USP48: variants seen among roughly 807,000 people sequenced by gnomAD.
USP48 encodes ubiquitin carboxyl-terminal hydrolase 48.
USP48 carries 43 observed loss-of-function variants against 150.7 expected under a neutral mutation model. That is an observed-to-expected ratio of 0.29 (90% CI 0.22 to 0.37). The LOEUF (loss-of-function observed/expected upper bound fraction) is 0.37. Among genes scored for constraint, USP48 ranks in the 10% least tolerant of loss-of-function variants. The probability of loss-of-function intolerance (pLI) is 1.00; values close to 1 mark genes in which losing one functional copy is unlikely to be tolerated. For missense variants in USP48, 813 were observed against 1,249.6 expected (o/e 0.65, Z 5.27); for synonymous variants, 396 against 425.9 (o/e 0.93, Z 0.86).
intron 8 of USP48, among the ~76,000 whole-genome samples, chr1:21,744,149 AT>A (rs2097788485): frequency 6.6e-6 from 1 of 152,146 alleles, no homozygotes; most frequent in African/African-American, 2.4e-5. Context: ...GAACTAATCA[AT>A]TTTAAAATTA....
chr1:21,680,657 C>G, intron 26 of USP48, 151 bp downstream of exon 26: 1 of 745,986 alleles, frequency 1.3e-6, no homozygotes. Flanking sequence ...AATGAAGAAG[C>G]TTGAGTAAGA....
chr1:21,712,378 T>C (rs1425916806), intron 15 of USP48, among the ~76,000 whole-genome samples: 2 of 151,738 alleles, frequency 1.3e-5, no homozygotes, highest in Non-Finnish European at 2.9e-5. Context: ...CAAAACAAAA[T>C]AGATAAAATG....
chr1:21,717,354 C>T (rs1277938125), intron 14 of USP48, among the ~76,000 whole-genome samples: 2 of 151,860 alleles, frequency 1.3e-5, no homozygotes, highest in Non-Finnish European at 2.9e-5. Context: ...CATTGAGTTG[C>T]AATTGCGTCA....
intron 1 of USP48, among the ~76,000 whole-genome samples, chr1:21,773,717 C>T (rs1200334687): frequency 1.3e-5 from 2 of 152,148 alleles, no homozygotes; most frequent in East Asian, 1.9e-4. Flanking sequence ...AATTTCTCAT[C>T]TAGCAACCTA....
chr1:21,701,387 A>G (rs929542779), intron 22 of USP48, 111 bp downstream of exon 22: 32 of 827,282 alleles, frequency 3.9e-5, no homozygotes, highest in Middle Eastern at 2.4e-4. Flanking sequence ...AAAAAGAAAA[A>G]AAAAGAACCA....
At chr1:21,745,391 G>A (rs1017477067) in intron 8 of USP48, among the ~76,000 whole-genome samples, 1 of 151,650 alleles carries the variant, frequency 6.6e-6, no homozygotes, top group Non-Finnish European at 1.5e-5. Flanking sequence ...AGGATCACTA[G>A]AGCCCAGGAG....
At chr1:21,700,862 A>C (rs893359405) in intron 22 of USP48, among the ~76,000 whole-genome samples, 4 of 152,022 alleles carry the variant, frequency 2.6e-5, no homozygotes, top group Non-Finnish European at 4.4e-5. Context: ...TCATGACATC[A>C]GGAGTTCAAG....
intron 25 of USP48, among the ~76,000 whole-genome samples, chr1:21,682,245 A>T (rs568533629): frequency 3.2e-4 from 48 of 152,238 alleles, no homozygotes; most frequent in African/African-American, 1.2e-3. Flanking sequence ...TCTTGCGGGC[A>T]CTGCTCTATT....
chr1:21,770,485 T>C (rs1055861594), intron 1 of USP48, among the ~76,000 whole-genome samples: 7 of 147,628 alleles, frequency 4.7e-5, no homozygotes, highest in Non-Finnish European at 7.5e-5. Context: ...AAGTGTCTTT[T>C]TTTTTTTTTT....
intron 8 of USP48, among the ~76,000 whole-genome samples, chr1:21,742,284 C>T (rs1259694809): frequency 2.6e-5 from 4 of 152,122 alleles, no homozygotes; most frequent in Admixed American, 6.6e-5. Flanking sequence ...TCATTCATGC[C>T]TGTAATCCCA....
At chr1:21,736,721 T>C (rs2097769601) in intron 8 of USP48, 96 bp from the exon 9 acceptor site, 5 of 1,087,504 alleles carry the variant, frequency 4.6e-6, no homozygotes, top group Non-Finnish European at 6.1e-6. Context: ...TTTACACATG[T>C]GGTATAACTA....
chr1:21,779,645 C>T (rs1210757664), intron 1 of USP48, among the ~76,000 whole-genome samples: 1 of 152,034 alleles, frequency 6.6e-6, no homozygotes, highest in African/African-American at 2.4e-5. Flanking sequence ...AATAAATGCC[C>T]ACACAAAAAC....
At chr1:21,682,676 A>T (rs577750450) in intron 25 of USP48, among the ~76,000 whole-genome samples, 2 of 152,226 alleles carry the variant, frequency 1.3e-5, no homozygotes, top group South Asian at 4.2e-4. Context: ...CGAGTTCCAG[A>T]GCAGCCTGGA....
chr1:21,692,836 C>T (rs896145449), intron 23 of USP48, among the ~76,000 whole-genome samples: 1 of 152,276 alleles, frequency 6.6e-6, no homozygotes, highest in African/African-American at 2.4e-5. Flanking sequence ...AAGATGAACA[C>T]ACGCTTCTAG....
Position 21,694,969 on chromosome 1 carries a change from A to C in USP48, c.2883+97T>G, listed in dbSNP as rs944587786. On this transcript the variant is annotated intron_variant, in intron 23 of 26. Coordinates refer to ENST00000308271, the MANE Select transcript of USP48 (RefSeq NM_032236.8). ...AAAACTTTAAGTCTTCTGGAAAAAA[A>C]CACAGATACATACATATATGTAAAT... 9 of 1,255,134 alleles carry C rather than the reference A, an allele frequency of 7.2e-6. No individual in the cohort carries two copies. The African/African-American group carries it at 1.2e-4, about 17-fold the overall frequency. 77.7% of individuals were successfully genotyped at this position (1,255,134 alleles called of 1,614,324 possible). A position where few individuals can be genotyped will look rare whatever the true frequency, so the allele number is the denominator to read the frequency against.
chr1:21,708,912 G>GA (rs1481038931), intron 15 of USP48, among the ~76,000 whole-genome samples: 4 of 31,198 alleles, frequency 1.3e-4, no homozygotes, highest in Non-Finnish European at 1.7e-4. Flanking sequence ...AGAAAGAAAA[G>GA]AAAAGAAAAG....
At chr1:21,770,050 C>T (rs1349863810) in intron 1 of USP48, among the ~76,000 whole-genome samples, 1 of 151,678 alleles carries the variant, frequency 6.6e-6, no homozygotes, top group Admixed American at 6.6e-5. Context: ...CTGTTGGTCC[C>T]ATTGGCTCAT....
intron 14 of USP48, among the ~76,000 whole-genome samples, chr1:21,715,850 A>G (rs1393958456): frequency 6.6e-6 from 1 of 152,214 alleles, no homozygotes; most frequent in Non-Finnish European, 1.5e-5. Context: ...AAAGCATTAA[A>G]GGCAAATTAA....
chr1:21,775,006 TA>T, intron 1 of USP48, among the ~76,000 whole-genome samples: 1 of 146,770 alleles, frequency 6.8e-6, no homozygotes, highest in Non-Finnish European at 1.5e-5. Flanking sequence ...AATAAATAAA[TA>T]AATAAATAAA....
Sources: allele counts gnomAD v4.1 joint callset (sites outside exome capture counted in the v4.1 genomes callset), GRCh38; gene constraint gnomAD v4.1.1; transcripts MANE v1.5; gene names NCBI Gene and HGNC (gene_info 2026-07-23, HGNC 2026-07-21).